BCL7C: variants seen among roughly 807,000 people sequenced by gnomAD.
BCL7C encodes the protein B-cell CLL/lymphoma 7 protein family member C.
In BCL7C, 8 loss-of-function variants were observed where a neutral mutation model predicts 26.2. The ratio of observed to expected loss-of-function variants is 0.30; its 90% CI spans 0.18 to 0.55. The LOEUF (loss-of-function observed/expected upper bound fraction) is 0.55, where lower values mean the gene tolerates loss of function less well. Among genes scored for constraint, BCL7C ranks in the 20% least tolerant of loss-of-function variants. BCL7C has a pLI of 0.93. For synonymous variants in BCL7C, 90 were observed against 116.5 expected, an observed-to-expected ratio of 0.77 and a Z score of 1.47; for missense variants, 262 against 298.5, an observed-to-expected ratio of 0.88 and a Z score of 0.90.
chr16:30,848,980 G>A (rs1221183176), intron 5 of BCL7C, among the ~76,000 whole-genome samples: 2 of 151,486 alleles, frequency 1.3e-5, no homozygotes, highest in African/African-American at 4.9e-5. Flanking sequence ...GAGGTCAAGA[G>A]ATTGAGACCA....
chr16:30,877,025 T>G (rs1264028872), intron 5 of BCL7C, among the ~76,000 whole-genome samples: 1 of 152,090 alleles, frequency 6.6e-6, no homozygotes, highest in Non-Finnish European at 1.5e-5. Context: ...CTGGGAGGCC[T>G]GAAATGCCTG....
intron 5 of BCL7C, among the ~76,000 whole-genome samples, chr16:30,866,575 G>GAA (rs112768509): frequency 1.2e-5 from 1 of 84,026 alleles, no homozygotes; most frequent in Non-Finnish European, 2.3e-5. Context: ...AGACTGTCTG[G>GAA]AAAAAAAAAA....
chr16:30,839,215 C>T (rs956631537), intron 5 of BCL7C, among the ~76,000 whole-genome samples: 2 of 152,140 alleles, frequency 1.3e-5, no homozygotes, highest in Non-Finnish European at 2.9e-5. Flanking sequence ...ATGAATGAGC[C>T]GAAGAGCTGA....
intron 5 of BCL7C, among the ~76,000 whole-genome samples, chr16:30,871,652 T>C (rs2143023771): frequency 6.6e-6 from 1 of 152,206 alleles, no homozygotes; most frequent in South Asian, 2.1e-4. Flanking sequence ...ACCTGGCTTA[T>C]TTTTGCATTT....
At chr16:30,883,033 G>T (rs1447077816), downstream of BCL7C, among the ~76,000 whole-genome samples, 2 of 152,154 alleles carry the variant, frequency 1.3e-5, no homozygotes, top group African/African-American at 4.8e-5. Context: ...GTCTGGAGGT[G>T]GGGGTGGAAC....
chr16:30,835,243 C>T (rs1421345781), intron 5 of BCL7C: 3 of 1,169,060 alleles, frequency 2.6e-6, no homozygotes, highest in East Asian at 5.7e-5. Context: ...TTCCAAATGG[C>T]GCAAGTTGGT....
chr16:30,843,555 TG>T (rs2054615439), intron 5 of BCL7C, among the ~76,000 whole-genome samples: 1 of 150,354 alleles, frequency 6.7e-6, no homozygotes, highest in Non-Finnish European at 1.5e-5. Context: ...AGTGAGACCC[TG>T]ACTCAAAAAA....
chr16:30,836,975 TGGTAGAGACA>T (rs1403519545), intron 5 of BCL7C, among the ~76,000 whole-genome samples: 2 of 151,876 alleles, frequency 1.3e-5, no homozygotes, highest in African/African-American at 4.8e-5. Context: ...TGTATTTTTT[TGGTAGAGACA>T]GGGTTTCACT....
At chr16:30,874,669 G>T (rs2054920123) in intron 5 of BCL7C, among the ~76,000 whole-genome samples, 1 of 152,268 alleles carries the variant, frequency 6.6e-6, no homozygotes, top group East Asian at 1.9e-4. Flanking sequence ...AGACCCCTGA[G>T]CCAGGGCCAT....
intron 5 of BCL7C, among the ~76,000 whole-genome samples, chr16:30,873,892 T>C (rs1596605142): frequency 6.8e-6 from 1 of 146,034 alleles, no homozygotes; most frequent in South Asian, 2.2e-4. Context: ...CACACACACA[T>C]ATAGAAAAAT....
intron 5 of BCL7C, among the ~76,000 whole-genome samples, chr16:30,847,825 AT>A (rs1477036080): frequency 2.0e-5 from 3 of 151,998 alleles, no homozygotes; most frequent in Non-Finnish European, 2.9e-5. Flanking sequence ...AACAAAAAAA[AT>A]CTCACCATGT....
intron 5 of BCL7C, among the ~76,000 whole-genome samples, chr16:30,836,168 C>T (rs555837421): frequency 2.0e-5 from 3 of 152,304 alleles, no homozygotes; most frequent in East Asian, 1.9e-4. Context: ...GCACGAGAAT[C>T]GCTTGAGCCT....
At chr16:30,861,778 G>GT (rs929077534) in intron 5 of BCL7C, among the ~76,000 whole-genome samples, 9 of 150,854 alleles carry the variant, frequency 6.0e-5, no homozygotes, top group Non-Finnish European at 1.3e-4. Context: ...GACTGTTTCC[G>GT]TAACTGTTGT....
At chr16:30,848,961 G>T (rs544682888) in intron 5 of BCL7C, among the ~76,000 whole-genome samples, 1 of 151,360 alleles carries the variant, frequency 6.6e-6, no homozygotes, top group Admixed American at 6.6e-5. Context: ...GCCGAGGCGG[G>T]TGGATCACGA....
intron 4 of BCL7C, among the ~76,000 whole-genome samples, chr16:30,889,331 A>C (rs2055187230): frequency 6.6e-6 from 1 of 152,158 alleles, no homozygotes; most frequent in Admixed American, 6.6e-5. Flanking sequence ...TGTGAGGGTC[A>C]GATGAGCGGA....
At chr16:30,843,443 C>T (rs1469814344) in intron 5 of BCL7C, among the ~76,000 whole-genome samples, 1 of 151,602 alleles carries the variant, frequency 6.6e-6, no homozygotes, top group African/African-American at 2.4e-5. Context: ...TGCCTGTAGT[C>T]CCAGCTACTT....
chr16:30,873,992 T>A (rs1596605380), intron 5 of BCL7C, among the ~76,000 whole-genome samples: 2 of 96,660 alleles, frequency 2.1e-5, no homozygotes, highest in African/African-American at 1.1e-4. Flanking sequence ...GGTATAGGTG[T>A]CAAACCTTTT....
chr16:30,884,087 G>A (rs36114574), downstream of BCL7C, among the ~76,000 whole-genome samples: 1,543 of 149,994 alleles, frequency 0.01, 13 homozygotes, highest in Non-Finnish European at 0.016. Context: ...ATCACGTCAC[G>A]GCACTCCAGC....
intron 5 of BCL7C, among the ~76,000 whole-genome samples, chr16:30,842,901 T>C (rs1026349768): frequency 1.3e-5 from 2 of 152,040 alleles, no homozygotes; most frequent in African/African-American, 4.8e-5. Context: ...CCTCCTCAGC[T>C]TCCCAAAGTG....
Sources: allele counts gnomAD v4.1 joint callset (sites outside exome capture counted in the v4.1 genomes callset), GRCh38; gene constraint gnomAD v4.1.1; transcripts MANE v1.5; gene names NCBI Gene and HGNC (gene_info 2026-07-23, HGNC 2026-07-21).